APBA2: variants seen among roughly 807,000 people sequenced by gnomAD.
APBA2 encodes amyloid-beta A4 precursor protein-binding family A member 2.
APBA2 carries 30 observed loss-of-function variants against 75.0 expected under a neutral mutation model. That is an observed-to-expected ratio of 0.40 (90% CI 0.30 to 0.54). The LOEUF is 0.54. APBA2 is among the 20% of genes least tolerant of loss of function. The pLI, the probability that APBA2 is intolerant of heterozygous loss-of-function variation, is 0.49. For missense variants in APBA2, 801 were observed against 1,016.1 expected, an observed-to-expected ratio of 0.79 and a Z score of 2.88; for synonymous variants, 444 against 409.6, an observed-to-expected ratio of 1.08 and a Z score of -1.01.
At chr15:29,104,238 A>AC (rs1169536697) in intron 10 of APBA2, among the ~76,000 whole-genome samples, 3 of 152,054 alleles carry the variant, frequency 2.0e-5, no homozygotes, top group Non-Finnish European at 4.4e-5. Context: ...CCCGTGCAGG[A>AC]CCCCCTTGAG....
At chr15:28,894,744 G>A (rs962329350) in intron 1 of APBA2, among the ~76,000 whole-genome samples, 3 of 152,148 alleles carry the variant, frequency 2.0e-5, no homozygotes, top group Non-Finnish European at 4.4e-5. Context: ...CTCTAGGAGA[G>A]TGATTTCTGC....
chr15:29,054,535 G>T lies in APBA2; in HGVS notation c.651G>T (p.Gly217=), dbSNP rs1203433865. Residue 217 remains glycine, a synonymous_variant, in exon 4 of 15, where the codon GGG becomes GGT. Transcript: ENST00000683413. The surrounding 1 kb of genome is among the most constrained non-coding windows in gnomAD (Gnocchi z 6.1). ...CCTACCGCCTGAGGCGTGGGGATGGGGACCTGGAGGACCAGGAGGAGGACA... is the reference window on the plus strand; with the variant it reads ...CCTACCGCCTGAGGCGTGGGGATGGTGACCTGGAGGACCAGGAGGAGGACA... ...ASPYRLRRGD[G]DLEDQEEDID... 1 of 1,613,558 alleles carries T rather than the reference G, an allele frequency of 6.2e-7. No homozygotes were observed. Among genetic ancestry groups the T allele is most frequent in the Non-Finnish European group, 8.5e-7 (1 of 1,179,794 alleles).
chr15:29,107,003 A>C (rs1037701790), intron 12 of APBA2, among the ~76,000 whole-genome samples, 184 bp downstream of exon 12: 1 of 152,132 alleles, frequency 6.6e-6, no homozygotes, highest in African/African-American at 2.4e-5. Flanking sequence ...ACCATTCCCC[A>C]TGTCTGAATC....
intron 2 of APBA2, among the ~76,000 whole-genome samples, chr15:28,983,559 T>C (rs2037737040): frequency 6.6e-6 from 1 of 152,220 alleles, no homozygotes; most frequent in Non-Finnish European, 1.5e-5. Flanking sequence ...GGTTGTGGCA[T>C]GCTGAAGCTC....
rs867617298 is a variant in APBA2 at position 29,054,489 on chromosome 15, A to G, written c.605A>G (p.Asn202Ser). ...CAGGACTACTACCCCGAGGAGGCCA[A>G]CGGGAACACCGGCGCCTCCCCCTAC... ...GYQDYYPEEA[N>S]GNTGASPYRL... The change falls in exon 4 of 15, where the codon AAC (asparagine) becomes AGC (serine). Residue 202 changes from asparagine to serine, a missense_variant. Physicochemically the swap from Asn to Ser is conservative, Grantham distance 46. This residue lies in a region of APBA2 where 434 missense variants were observed against 471.6 expected (regional missense o/e 0.92). Transcript: ENST00000683413. This position sits in a 1 kb window ranked among gnomAD's most constrained non-coding sequence, Gnocchi z 6.1. 3 of 1,613,926 alleles carry G rather than the reference A, an allele frequency of 1.9e-6. No homozygotes were observed. Among genetic ancestry groups the G allele is most frequent in the East Asian group, 2.2e-5 (1 of 44,860 alleles).
intron 12 of APBA2, among the ~76,000 whole-genome samples, chr15:29,107,681 C>T (rs990210178): frequency 1.3e-5 from 2 of 152,146 alleles, no homozygotes; most frequent in Non-Finnish European, 1.5e-5. Flanking sequence ...GAGGCCCCCC[C>T]TCCCAGGGCT....
chr15:28,957,265 C>T (rs140929376), intron 2 of APBA2, among the ~76,000 whole-genome samples: 10 of 151,916 alleles, frequency 6.6e-5, no homozygotes, highest in East Asian at 5.8e-4. Context: ...TTAGTAGAGA[C>T]GGGGTTTCAC....
chr15:29,001,046 C>T (rs1455200863), intron 3 of APBA2, among the ~76,000 whole-genome samples: 1 of 152,020 alleles, frequency 6.6e-6, no homozygotes. Flanking sequence ...CTTTTTGGGA[C>T]CTTAGGTGGA....
chr15:28,929,035 T>C (rs1468177657), intron 2 of APBA2, among the ~76,000 whole-genome samples: 7 of 152,166 alleles, frequency 4.6e-5, no homozygotes, highest in African/African-American at 1.4e-4. Flanking sequence ...AAGAAGGTCA[T>C]TGATTTTCAG....
intron 1 of APBA2, among the ~76,000 whole-genome samples, chr15:28,901,860 CACAA>C: frequency 6.9e-6 from 1 of 145,318 alleles, no homozygotes; most frequent in East Asian, 2.0e-4. Flanking sequence ...CTGGCACACA[CACAA>C]ACCAGCATCG....
At chr15:29,115,804 G>C (rs1472790500) in intron 14 of APBA2, among the ~76,000 whole-genome samples, 1 of 152,196 alleles carries the variant, frequency 6.6e-6, no homozygotes, top group Non-Finnish European at 1.5e-5. Flanking sequence ...GATCCCGGCG[G>C]GGGAGGGAGG....
chr15:28,918,426 CG>C lies in APBA2; in HGVS notation c.-204-3213del, dbSNP rs1566796435. On this transcript the variant is annotated intron_variant, in intron 1 of 14. Coordinates refer to ENST00000683413, the MANE Select transcript of APBA2 (RefSeq NM_001353788.2). This position sits in a 1 kb window ranked among gnomAD's most constrained non-coding sequence, Gnocchi z 4.2. ...GATGCGCAACGCCCCCTCCAGGCCC[CG>C]AGTCCCTGTCCTTGGAGGAAGCAGG... 6.6e-6 allele frequency among the ~76,000 whole-genome samples: 1 copy of C among 152,100 alleles called. No individual in the cohort carries two copies. The highest frequency in any genetic ancestry group is 2.4e-5 in the African/African-American group (1 of 41,402).
At position 29,054,084 on chromosome 15, in the gene APBA2, G is replaced by A; in HGVS notation, c.200G>A (p.Ser67Asn). The change falls in exon 4 of 15, where the codon AGC becomes AAC. Residue 67 changes from serine to asparagine, a missense_variant. By Grantham distance (46) the Ser-to-Asn change is conservative. Transcript: ENST00000683413. This position sits in a 1 kb window ranked among gnomAD's most constrained non-coding sequence, Gnocchi z 6.1. ...GAGGAACAGGAGTGCCACAACCACA[G>A]CCCCGATGGGGACTCCAGCTCTGAC... ...APEEQECHNH[S>N]PDGDSSSDYV... 2 of 1,614,100 alleles carry A rather than the reference G, an allele frequency of 1.2e-6. No individual in the cohort carries two copies. Among genetic ancestry groups the A allele is most frequent in the East Asian group, 2.2e-5 (1 of 44,856 alleles).
intron 8 of APBA2, among the ~76,000 whole-genome samples, chr15:29,098,221 C>T (rs774414976): frequency 6.6e-6 from 1 of 152,228 alleles, no homozygotes; most frequent in Non-Finnish European, 1.5e-5. Context: ...TTGGAGGAAC[C>T]GCCATTCTAT....
At chr15:29,004,878 C>T (rs924973481) in intron 3 of APBA2, among the ~76,000 whole-genome samples, 1 of 152,164 alleles carries the variant, frequency 6.6e-6, no homozygotes, top group Non-Finnish European at 1.5e-5. Context: ...TGGCGTTTCT[C>T]CATGTTGGCC....
chr15:28,996,032 T>C (rs982723250), intron 3 of APBA2, among the ~76,000 whole-genome samples: 5 of 152,034 alleles, frequency 3.3e-5, no homozygotes, highest in African/African-American at 1.2e-4. Context: ...GGCACTTACC[T>C]TGCCCGGAAC....
At chr15:28,996,577 CA>C (rs2038536141) in intron 3 of APBA2, among the ~76,000 whole-genome samples, 1 of 152,224 alleles carries the variant, frequency 6.6e-6, no homozygotes, top group Non-Finnish European at 1.5e-5. Context: ...TGGAGACACA[CA>C]AGGCAGCGGC....
At chr15:29,040,216 G>T (rs892773025) in intron 3 of APBA2, among the ~76,000 whole-genome samples, 1 of 152,232 alleles carries the variant, frequency 6.6e-6, no homozygotes, top group African/African-American at 2.4e-5. Context: ...TTGCATAAAG[G>T]TGGTGGGAAG....
chr15:28,970,335 G>A (rs889706482), intron 2 of APBA2: 8 of 150,172 alleles, frequency 5.3e-5, no homozygotes, highest in African/African-American at 1.9e-4. Context: ...ATGATGTAAT[G>A]TATGATATGT....
Sources: allele counts gnomAD v4.1 joint callset (sites outside exome capture counted in the v4.1 genomes callset), GRCh38; gene constraint gnomAD v4.1.1; regional missense constraint gnomAD v4.1.1; non-coding constraint Gnocchi (gnomAD v3.1); transcripts MANE v1.5; gene names NCBI Gene and HGNC (gene_info 2026-07-23, HGNC 2026-07-21).